The following PCM1 variants were observed in gnomAD, a reference collection of about 807,000 sequenced individuals.
PCM1 encodes pericentriolar material 1 protein.
Under a neutral mutation model 241.9 loss-of-function variants are expected in PCM1, and 157 were observed. The ratio of observed to expected loss-of-function variants is 0.65; its 90% CI spans 0.57 to 0.74. PCM1 has a LOEUF of 0.74. Ranked by LOEUF, PCM1 falls within the 30% of genes least tolerant of loss-of-function variation. The pLI, the probability that PCM1 is intolerant of heterozygous loss-of-function variation, is 0.00. For synonymous variants in PCM1, 1,085 were observed against 784.9 expected (o/e 1.38, Z -6.39); for missense variants, 3,478 against 2,360.1 (o/e 1.47, Z -9.81).
intron 2 of PCM1, among the ~76,000 whole-genome samples, chr8:17,935,348 C>T (rs1483991371): frequency 1.3e-5 from 2 of 152,190 alleles, no homozygotes; most frequent in African/African-American, 4.8e-5. Context: ...CAGACTGGTG[C>T]TCACAAGGTA....
At chr8:17,961,117 A>C (rs1172061242) in intron 15 of PCM1, among the ~76,000 whole-genome samples, 1 of 152,184 alleles carries the variant, frequency 6.6e-6, no homozygotes, top group African/African-American at 2.4e-5. Context: ...AAGATATCTA[A>C]GGAAAATAAC....
At chr8:17,924,612 C>G (rs1270042159) in intron 1 of PCM1, 101 bp from the exon 2 acceptor site, 2 of 152,130 alleles carry the variant, frequency 1.3e-5, no homozygotes, top group African/African-American at 2.4e-5. Context: ...TTCTTTTGAT[C>G]TTTCTAAACA....
At chr8:18,011,111 A>G in intron 32 of PCM1, 126 bp from the exon 33 acceptor site, 1 of 566,906 alleles carries the variant, frequency 1.8e-6, no homozygotes, top group Non-Finnish European at 2.8e-6. Context: ...AAATAAAACT[A>G]GACTATCAAA....
At chr8:17,938,716 A>G in intron 4 of PCM1, 24 bp from the exon 5 acceptor site, 5 of 1,584,596 alleles carry the variant, frequency 3.2e-6, no homozygotes, top group Non-Finnish European at 4.3e-6. Flanking sequence ...TGTTTGTGTG[A>G]TTTGATTTCT....
intron 6 of PCM1, among the ~76,000 whole-genome samples, chr8:17,941,272 T>G (rs1252976660): frequency 6.6e-6 from 1 of 152,100 alleles, no homozygotes; most frequent in African/African-American, 2.4e-5. Context: ...AGTGGGAACT[T>G]GTATAGATTT....
chr8:17,943,633 G>A (rs117204089), intron 6 of PCM1, among the ~76,000 whole-genome samples: 2,567 of 151,696 alleles, frequency 0.017, 38 homozygotes, highest in South Asian at 0.043. Context: ...TTCTCTTCTT[G>A]GCATTTATTT....
intron 23 of PCM1, among the ~76,000 whole-genome samples, chr8:17,976,824 TC>T (rs1781128503): frequency 6.6e-6 from 1 of 152,114 alleles, no homozygotes; most frequent in Non-Finnish European, 1.5e-5. Context: ...ACTTTGGAAA[TC>T]TAGCCTTTGA....
chr8:17,975,854 A>G (rs1412693186), intron 23 of PCM1, among the ~76,000 whole-genome samples: 1 of 152,184 alleles, frequency 6.6e-6, no homozygotes, highest in East Asian at 1.9e-4. Context: ...AAATTATGTA[A>G]TAATCGTATT....
chr8:18,009,331 G>A (rs958260854), intron 30 of PCM1, among the ~76,000 whole-genome samples: 2 of 152,164 alleles, frequency 1.3e-5, no homozygotes, highest in Non-Finnish European at 2.9e-5. Context: ...ACTAAATATA[G>A]ATGACCATAT....
At chr8:17,945,184 C>G (rs1027859830) in intron 6 of PCM1, among the ~76,000 whole-genome samples, 2 of 152,026 alleles carry the variant, frequency 1.3e-5, no homozygotes, top group East Asian at 1.9e-4. Flanking sequence ...TATCCCTACC[C>G]TTCAAAGTTG....
chr8:17,926,602 A>G (rs1187861345), intron 2 of PCM1: 3 of 152,210 alleles, frequency 2.0e-5, no homozygotes, highest in Non-Finnish European at 4.4e-5. Context: ...GTAGCAGAGA[A>G]AACAGACAGT....
Position 17,972,323 on chromosome 8 carries a change from G to C in PCM1, c.3585-6G>C. ...TAACTTATAAAAACTTGTTTTCATT[G>C]GTAAGGAATAAAAAACTGCCTGAAG... On this transcript the variant is annotated splice_polypyrimidine_tract_variant and splice_region_variant and intron_variant, in intron 22 of 38. Coordinates refer to ENST00000325083, the MANE Select transcript of PCM1 (RefSeq NM_006197.4). The C allele has an allele frequency of 6.9e-7, 1 of 1,456,722 alleles. No homozygotes were observed. Among genetic ancestry groups the C allele is most frequent in the Non-Finnish European group, 9.1e-7 (1 of 1,096,476 alleles). 90.2% of individuals were successfully genotyped at this position (1,456,722 alleles called of 1,614,324 possible).
intron 17 of PCM1, among the ~76,000 whole-genome samples, chr8:17,963,537 G>C (rs189796000): frequency 6.6e-6 from 1 of 152,274 alleles, no homozygotes; most frequent in African/African-American, 2.4e-5. Flanking sequence ...TGGTGATACA[G>C]ATTTTCTTAT....
At chr8:17,930,379 A>C (rs897282173) in intron 2 of PCM1, among the ~76,000 whole-genome samples, 1 of 151,848 alleles carries the variant, frequency 6.6e-6, no homozygotes, top group Non-Finnish European at 1.5e-5. Context: ...CTGGGATTAC[A>C]GGCGTGAGCC....
intron 29 of PCM1, among the ~76,000 whole-genome samples, chr8:18,004,234 T>C (rs2090581925): frequency 6.6e-6 from 1 of 152,140 alleles, no homozygotes; most frequent in Non-Finnish European, 1.5e-5. Flanking sequence ...TCACCTTGAG[T>C]CTGTGAAATG....
chr8:17,967,048 A>G lies in PCM1; in HGVS notation c.3290A>G (p.Glu1097Gly), dbSNP rs771837652. The stretch of plus-strand genomic sequence containing the variant: ...CATCCAGAAAAACCTGGAGGCAAGG[A>G]AAGAGGCAGTAGTGCATCGCACCCT... ...NQHPEKPGGK[E>G]RGSSASHPPS... is the part of the protein sequence containing the mutation. Residue 1097 changes from glutamate to glycine, a missense_variant, in exon 21 of 39, where the codon GAA (glutamate) becomes GGA (glycine). Transcript: ENST00000325083. 3.7e-6 allele frequency: 6 copies of G among 1,609,846 alleles called. No homozygotes were observed. Among genetic ancestry groups the G allele is most frequent in the Middle Eastern group, 1.7e-4 (1 of 6,058 alleles).
At chr8:17,943,546 A>G (rs945024875) in intron 6 of PCM1, among the ~76,000 whole-genome samples, 5 of 152,308 alleles carry the variant, frequency 3.3e-5, no homozygotes, top group East Asian at 1.9e-4. Context: ...GGCATTACAT[A>G]TAATTTAAAA....
chr8:17,924,394 T>G (rs971593741), intron 1 of PCM1, among the ~76,000 whole-genome samples: 27 of 152,322 alleles, frequency 1.8e-4, no homozygotes, highest in African/African-American at 7.2e-5. Flanking sequence ...GGAAGCTCGA[T>G]CAATCAGAGG....
intron 10 of PCM1, among the ~76,000 whole-genome samples, chr8:17,956,326 T>A (rs1051614284): frequency 1.8e-4 from 28 of 152,194 alleles, no homozygotes; most frequent in African/African-American, 6.5e-4. Flanking sequence ...TTTCTGCTAT[T>A]AACATTTACA....
Sources: allele counts gnomAD v4.1 joint callset (sites outside exome capture counted in the v4.1 genomes callset), GRCh38; gene constraint gnomAD v4.1.1; transcripts MANE v1.5; gene names NCBI Gene and HGNC (gene_info 2026-07-23, HGNC 2026-07-21).